FARP1: variants seen among roughly 807,000 people sequenced by gnomAD.
The protein encoded by FARP1 is FERM, ARH/RhoGEF and pleckstrin domain protein 1.
FARP1 carries 52 observed loss-of-function variants against 128.8 expected under a neutral mutation model. That is an observed-to-expected ratio of 0.40 (90% confidence interval 0.32 to 0.51). The LOEUF (loss-of-function observed/expected upper bound fraction) is 0.51, where lower values mean the gene tolerates loss of function less well. FARP1 is among the 20% of genes least tolerant of loss of function. The probability of loss-of-function intolerance (pLI) is 0.45; values close to 1 mark genes in which losing one functional copy is unlikely to be tolerated. For synonymous variants in FARP1, 580 were observed against 551.8 expected, an observed-to-expected ratio of 1.05 and a Z score of -0.72; for missense variants, 1,333 against 1,367.9, an observed-to-expected ratio of 0.97 and a Z score of 0.40.
chr13:98,441,004 C>T (rs558560579), intron 24 of FARP1, among the ~76,000 whole-genome samples, 168 bp downstream of exon 24: 43 of 152,322 alleles, frequency 2.8e-4, no homozygotes, highest in Non-Finnish European at 5.4e-4. Flanking sequence ...TGGAGCCTGC[C>T]GGAGGTATCC....
intron 2 of FARP1, among the ~76,000 whole-genome samples, chr13:98,312,149 T>TTTTTTTTTTTTTTC: frequency 7.4e-6 from 1 of 135,818 alleles, no homozygotes; most frequent in Admixed American, 7.4e-5. Flanking sequence ...TTTTTTTTTT[T>TTTTTTTTTTTTTTC]TTTTTCTTTG....
intron 2 of FARP1, among the ~76,000 whole-genome samples, chr13:98,272,568 A>C (rs1267670992): frequency 6.6e-6 from 1 of 152,170 alleles, no homozygotes; most frequent in Non-Finnish European, 1.5e-5. Flanking sequence ...ACGTGCAGAT[A>C]TGTGGGGAAA....
intron 2 of FARP1, among the ~76,000 whole-genome samples, chr13:98,297,605 T>C (rs1224190120): frequency 1.3e-5 from 2 of 152,228 alleles, no homozygotes; most frequent in East Asian, 1.9e-4. Flanking sequence ...TAAGAAGATC[T>C]GCCTGATTCT....
At chr13:98,197,423 G>A (rs191079000) in intron 1 of FARP1, among the ~76,000 whole-genome samples, 4,244 of 151,832 alleles carry the variant, frequency 0.028, 95 homozygotes, top group Non-Finnish European at 0.045. Context: ...CTGAGATCGC[G>A]CCATTGCACT....
chr13:98,172,827 A>T (rs1877746420), intron 1 of FARP1, among the ~76,000 whole-genome samples: 2 of 152,188 alleles, frequency 1.3e-5, no homozygotes, highest in Non-Finnish European at 1.5e-5. Flanking sequence ...TCTAGAGCCC[A>T]AGGAGAGTAT....
intron 2 of FARP1, among the ~76,000 whole-genome samples, chr13:98,295,984 G>C (rs185396232): frequency 6.6e-6 from 1 of 152,282 alleles, no homozygotes; most frequent in East Asian, 1.9e-4. Flanking sequence ...TTAGCCTCTA[G>C]CCCAGGGCTT....
intron 6 of FARP1, 149 bp from the exon 7 acceptor site, chr13:98,384,581 C>T (rs1323718970): frequency 2.3e-5 from 14 of 614,220 alleles, no homozygotes; most frequent in Admixed American, 2.3e-4. Flanking sequence ...CCTGGCATCC[C>T]GTCTCTGAGA....
At chr13:98,244,639 C>A (rs1207104276) in intron 2 of FARP1, 1 of 1,614,100 alleles carries the variant, frequency 6.2e-7, no homozygotes, top group African/African-American at 1.3e-5. Context: ...GGCTCTATTT[C>A]TTACACAAAC....
At chr13:98,154,004 T>G (rs1233718328) in intron 1 of FARP1, among the ~76,000 whole-genome samples, 1 of 152,224 alleles carries the variant, frequency 6.6e-6, no homozygotes, top group Admixed American at 6.5e-5. Context: ...CTAACTATAG[T>G]CTGGTCTTTT....
chr13:98,447,140 T>C (rs2281768), intron 26 of FARP1: 170,858 of 257,916 alleles, frequency 0.66, 59,082 homozygotes, highest in Non-Finnish European at 0.76. Context: ...TGGCAGGGAC[T>C]GCAGACTTCA....
intron 24 of FARP1, among the ~76,000 whole-genome samples, 157 bp downstream of exon 24, chr13:98,440,993 T>G (rs907954532): frequency 6.6e-6 from 1 of 152,142 alleles, no homozygotes; most frequent in Non-Finnish European, 1.5e-5. Context: ...TGGGCCCCCT[T>G]TGGAGCCTGC....
intron 2 of FARP1, among the ~76,000 whole-genome samples, chr13:98,298,327 A>G (rs1309002436): frequency 1.3e-5 from 2 of 152,224 alleles, no homozygotes; most frequent in Admixed American, 6.5e-5. Flanking sequence ...TTCGTGTCGC[A>G]TAATCTGAAG....
intron 1 of FARP1, among the ~76,000 whole-genome samples, chr13:98,156,696 GC>G (rs1190470588): frequency 6.6e-6 from 1 of 151,906 alleles, no homozygotes; most frequent in Non-Finnish European, 1.5e-5. Context: ...ACTGTACCTG[GC>G]CCCCATTATA....
At chr13:98,288,092 A>G (rs538918659) in intron 2 of FARP1, among the ~76,000 whole-genome samples, 2 of 152,106 alleles carry the variant, frequency 1.3e-5, no homozygotes, top group South Asian at 4.2e-4. Context: ...GAGCCTCCGT[A>G]CCCGGCCCCA....
chr13:98,317,085 G>A (rs773017393), intron 2 of FARP1, among the ~76,000 whole-genome samples: 73 of 152,262 alleles, frequency 4.8e-4, no homozygotes, highest in Middle Eastern at 3.4e-3. Context: ...AGTGCAGGGC[G>A]ACTTCTCTCT....
In FARP1 at chr13:98,441,729, G is replaced by A. The variant is rs535552724; in HGVS notation, c.2796+893G>A. ...GCTGGCTTTGGGGGAAGGAGGTTCTGGTTTCAATGACCCGCCTTAAGGAAG... is the reference window on the plus strand; with the variant it reads ...GCTGGCTTTGGGGGAAGGAGGTTCTAGTTTCAATGACCCGCCTTAAGGAAG... On this transcript the variant is annotated intron_variant, in intron 24 of 26. Transcript: ENST00000319562. Among the ~76,000 whole-genome samples, 5 of 152,238 alleles carry A rather than the reference G, an allele frequency of 3.3e-5. No homozygotes were observed. The South Asian group carries it at 6.2e-4, about 19-fold the overall frequency.
At chr13:98,243,433 C>T (rs1197542023) in intron 2 of FARP1, among the ~76,000 whole-genome samples, 1 of 151,828 alleles carries the variant, frequency 6.6e-6, no homozygotes, top group Non-Finnish European at 1.5e-5. Context: ...CGGTGGCTCA[C>T]GCCTGTAATC....
intron 2 of FARP1, among the ~76,000 whole-genome samples, chr13:98,274,664 A>G (rs181360577): frequency 6.6e-6 from 1 of 152,206 alleles, no homozygotes; most frequent in Admixed American, 6.5e-5. Flanking sequence ...ACTTTCTGAA[A>G]TCCTCCCCAG....
chr13:98,390,128 C>T lies in FARP1; in HGVS notation c.1019+8C>T, dbSNP rs371909630. The stretch of plus-strand genomic sequence containing the variant: ...GTCATCATTTCGGTTCAGGTGAGGT[C>T]GCCACTTTGTGCCTCTGTTTGCTGG... On this transcript the variant is annotated splice_region_variant and intron_variant, in intron 10 of 26. Transcript: ENST00000319562. 63 of 1,611,234 alleles carry T rather than the reference C, an allele frequency of 3.9e-5. No homozygotes were observed. The African/African-American group carries it at 4.9e-4, about 13-fold the overall frequency.
Sources: allele counts gnomAD v4.1 joint callset (sites outside exome capture counted in the v4.1 genomes callset), GRCh38; gene constraint gnomAD v4.1.1; transcripts MANE v1.5; gene names NCBI Gene and HGNC (gene_info 2026-07-23, HGNC 2026-07-21).